Variants in CDH13 observed in about 807,000 individuals in gnomAD.
CDH13 encodes cadherin-13.
CDH13 carries 24 observed loss-of-function variants against 63.8 expected under a neutral mutation model. The observed-to-expected ratio is 0.38, with a 90% confidence interval of 0.27 to 0.53. The LOEUF is 0.53. CDH13 is among the 20% of genes least tolerant of loss of function. The pLI is 0.85. For synonymous variants in CDH13, 503 were observed against 355.3 expected (o/e 1.42, Z -4.67); for missense variants, 1,049 against 903.1 (o/e 1.16, Z -2.07).
chr16:82,728,468 A>G (rs2033220436), intron 1 of CDH13, among the ~76,000 whole-genome samples: 1 of 152,114 alleles, frequency 6.6e-6, no homozygotes, highest in African/African-American at 2.4e-5. Context: ...TTCCCAGTGC[A>G]TATAAATAAT....
intron 3 of CDH13, among the ~76,000 whole-genome samples, chr16:83,119,317 G>C (rs987628732): frequency 6.6e-6 from 1 of 152,088 alleles, no homozygotes; most frequent in African/African-American, 2.4e-5. Context: ...ATGTCTTGCA[G>C]CTACTCTTGT....
intron 2 of CDH13, among the ~76,000 whole-genome samples, chr16:82,966,442 T>C (rs1020877354): frequency 6.6e-6 from 1 of 152,192 alleles, no homozygotes; most frequent in Admixed American, 6.5e-5. Context: ...CCAGCGCGCC[T>C]GGCCTATTTT....
chr16:83,467,306 T>C lies in CDH13; in HGVS notation c.782-19171T>C, dbSNP rs377536027. The stretch of plus-strand genomic sequence containing the variant: ...TCTTGTCCATGTTTTTATAGAAAAA[T>C]ATAAAGCATGTCTCCTCTGTGACAG... On this transcript the variant is annotated intron_variant, in intron 6 of 13. Coordinates refer to ENST00000567109, the MANE Select transcript of CDH13 (RefSeq NM_001257.5). Among the ~76,000 whole-genome samples the C allele has an allele frequency of 7.2e-5, 11 of 152,170 alleles. No individual in the cohort carries two copies. In the South Asian group the frequency reaches 1.9e-3, roughly 26 times the overall value.
At chr16:82,896,114 C>G (rs768947357) in intron 2 of CDH13, among the ~76,000 whole-genome samples, 3 of 151,998 alleles carry the variant, frequency 2.0e-5, no homozygotes, top group African/African-American at 7.2e-5. Context: ...TTCTCTCATT[C>G]ATTCATTCGT....
At chr16:83,035,165 C>A (rs944233204) in intron 3 of CDH13, among the ~76,000 whole-genome samples, 2 of 152,126 alleles carry the variant, frequency 1.3e-5, no homozygotes, top group African/African-American at 4.8e-5. Context: ...AGAGCACATA[C>A]CTCAATGGAT....
chr16:83,053,826 C>G (rs926906613), intron 3 of CDH13, among the ~76,000 whole-genome samples: 2 of 152,110 alleles, frequency 1.3e-5, no homozygotes, highest in African/African-American at 4.8e-5. Context: ...CCCCCCTTAT[C>G]TATGGGAAAC....
chr16:83,124,386 T>C (rs2151642749), intron 3 of CDH13, among the ~76,000 whole-genome samples: 1 of 152,328 alleles, frequency 6.6e-6, no homozygotes, highest in East Asian at 1.9e-4. Context: ...TTTGAGTTCC[T>C]TGTAAATTCT....
intron 6 of CDH13, among the ~76,000 whole-genome samples, chr16:83,394,937 C>G (rs370182069): frequency 1.1e-4 from 17 of 152,044 alleles, no homozygotes; most frequent in African/African-American, 3.6e-4. Flanking sequence ...CACCTGTGGT[C>G]AGGTGTTTGA....
chr16:83,486,420 C>G (rs1402126823), intron 6 of CDH13, 57 bp from the exon 7 acceptor site: 5 of 1,507,898 alleles, frequency 3.3e-6, no homozygotes, highest in South Asian at 1.2e-5. Flanking sequence ...GGAAGGGGCT[C>G]TGGCCGTTGT....
At chr16:82,734,337 G>A (rs2033558807) in intron 1 of CDH13, among the ~76,000 whole-genome samples, 1 of 152,274 alleles carries the variant, frequency 6.6e-6, no homozygotes, top group East Asian at 1.9e-4. Flanking sequence ...AAAAAAAAAT[G>A]TGTCCACCTA....
intron 10 of CDH13, among the ~76,000 whole-genome samples, chr16:83,724,188 T>A (rs1910071276): frequency 8.3e-6 from 1 of 120,308 alleles, no homozygotes; most frequent in Admixed American, 8.5e-5. Flanking sequence ...GATAAATGCA[T>A]GGGTGGGTGA....
At chr16:82,785,959 G>T (rs560208561) in intron 1 of CDH13, among the ~76,000 whole-genome samples, 12 of 152,298 alleles carry the variant, frequency 7.9e-5, no homozygotes, top group South Asian at 6.2e-4. Context: ...CTACTGTGTG[G>T]TTCCCCTGTT....
chr16:83,194,585 G>A (rs1394678055), intron 4 of CDH13, among the ~76,000 whole-genome samples: 5 of 152,134 alleles, frequency 3.3e-5, no homozygotes, highest in Admixed American at 6.5e-5. Flanking sequence ...AAACAATAAG[G>A]GATAAATTAG....
intron 5 of CDH13, among the ~76,000 whole-genome samples, chr16:83,308,476 T>C (rs6420380): frequency 0.33 from 49,643 of 152,130 alleles, 8,231 homozygotes; most frequent in East Asian, 0.52. Flanking sequence ...AACTTGAGAA[T>C]TACATTTACT....
At chr16:83,162,381 C>G (rs776817628) in intron 4 of CDH13, among the ~76,000 whole-genome samples, 7 of 152,100 alleles carry the variant, frequency 4.6e-5, no homozygotes, top group Non-Finnish European at 5.9e-5. Flanking sequence ...CAACAAGATA[C>G]CAGACCATTT....
At chr16:82,940,589 G>C (rs1429565011) in intron 2 of CDH13, among the ~76,000 whole-genome samples, 7 of 152,172 alleles carry the variant, frequency 4.6e-5, no homozygotes, top group African/African-American at 1.7e-4. Context: ...CTTCTTACCT[G>C]CTTCACCTTA....
At chr16:83,091,593 G>T (rs1014567803) in intron 3 of CDH13, among the ~76,000 whole-genome samples, 4 of 152,128 alleles carry the variant, frequency 2.6e-5, no homozygotes, top group African/African-American at 9.7e-5. Context: ...GTCATGGGCT[G>T]GTCTTGCACA....
chr16:82,707,379 C>T (rs901912611), intron 1 of CDH13, among the ~76,000 whole-genome samples: 5 of 152,296 alleles, frequency 3.3e-5, no homozygotes, highest in Middle Eastern at 6.8e-3. Context: ...GCAATACAGG[C>T]ACTGGCCAAT....
intron 7 of CDH13, among the ~76,000 whole-genome samples, chr16:83,527,326 G>A (rs2074987355): frequency 6.6e-6 from 1 of 151,926 alleles, no homozygotes. Context: ...GCAGGTGCCT[G>A]TAGTCCCAGC....
Sources: gnomAD v4.1 joint callset for allele counts (sites outside exome capture counted in the v4.1 genomes callset) on GRCh38, gnomAD v4.1.1 for gene constraint, MANE v1.5 for transcripts, NCBI Gene and HGNC (gene_info 2026-07-23, HGNC 2026-07-21) for gene names.